The following FBXW8 variants were observed in gnomAD, a reference collection of about 807,000 sequenced individuals.
FBXW8 encodes F-box and WD repeat domain containing 8, also known as F-box/WD repeat-containing protein 8.
FBXW8 carries 57 observed loss-of-function variants against 65.3 expected under a neutral mutation model. That is an observed-to-expected ratio of 0.87 (90% confidence interval 0.71 to 1.09). The LOEUF (loss-of-function observed/expected upper bound fraction) is 1.09. Among genes scored for constraint, FBXW8 ranks in the 50% least tolerant of loss-of-function variants. FBXW8 has a pLI of 0.00. For missense variants in FBXW8, 777 were observed against 814.8 expected (o/e 0.95, Z 0.57); for synonymous variants, 308 against 330.2 (o/e 0.93, Z 0.73).
intron 1 of FBXW8, among the ~76,000 whole-genome samples, chr12:116,917,014 G>A (rs569630539): frequency 1.5e-4 from 23 of 152,182 alleles, no homozygotes; most frequent in African/African-American, 5.5e-4. Flanking sequence ...AGAGCAGCAA[G>A]AGGGCGAGCC....
intron 2 of FBXW8, among the ~76,000 whole-genome samples, chr12:116,934,081 G>T (rs1161373861): frequency 6.6e-6 from 1 of 152,184 alleles, no homozygotes; most frequent in African/African-American, 2.4e-5. Context: ...CTAACAGTAA[G>T]AAACTCTGTT....
intron 7 of FBXW8, among the ~76,000 whole-genome samples, chr12:116,999,206 A>G (rs1382094510): frequency 6.6e-6 from 1 of 152,216 alleles, no homozygotes; most frequent in Non-Finnish European, 1.5e-5. Flanking sequence ...ATCCCAAACT[A>G]AGGGACTCAG....
intron 5 of FBXW8, among the ~76,000 whole-genome samples, chr12:116,973,593 C>T (rs1042594192): frequency 3.9e-5 from 6 of 152,308 alleles, no homozygotes; most frequent in Non-Finnish European, 5.9e-5. Flanking sequence ...GATCTAATCA[C>T]GAGAAAATAT....
intron 5 of FBXW8, among the ~76,000 whole-genome samples, chr12:116,968,637 A>T (rs985959257): frequency 6.6e-6 from 1 of 152,212 alleles, no homozygotes; most frequent in Non-Finnish European, 1.5e-5. Context: ...GTTACAGGGT[A>T]AATGCAAGTG....
At chr12:117,000,502 C>G (rs1030640260) in intron 7 of FBXW8, among the ~76,000 whole-genome samples, 1 of 152,234 alleles carries the variant, frequency 6.6e-6, no homozygotes, top group African/African-American at 2.4e-5. Context: ...AGCACTGGCC[C>G]CACCCCCGGA....
chr12:116,947,263 T>A (rs991555531), intron 3 of FBXW8, among the ~76,000 whole-genome samples: 1 of 152,202 alleles, frequency 6.6e-6, no homozygotes, highest in African/African-American at 2.4e-5. Flanking sequence ...TGGCTGTTGA[T>A]TGAGTGAACT....
chr12:116,986,288 C>A (rs1885668891), intron 6 of FBXW8: 1 of 152,174 alleles, frequency 6.6e-6, no homozygotes, highest in South Asian at 2.1e-4. Flanking sequence ...TAGTGCTCCC[C>A]TAAAATGGCC....
At chr12:116,996,336 C>T (rs943558026) in intron 7 of FBXW8, among the ~76,000 whole-genome samples, 4 of 152,096 alleles carry the variant, frequency 2.6e-5, no homozygotes, top group East Asian at 1.9e-4. Context: ...TCCCCATACA[C>T]GGACGTGAAG....
rs1020642392 is a variant in FBXW8 at position 116,961,289 on chromosome 12, G to A, written c.678-3408G>A. Among the ~76,000 whole-genome samples the A allele has an allele frequency of 3.9e-5, 6 of 152,158 alleles. No homozygotes were observed. The highest frequency in any genetic ancestry group is 7.4e-5 in the Non-Finnish European group (5 of 68,020). On this transcript the variant is annotated intron_variant, in intron 4 of 10. Transcript: ENST00000652555. The surrounding 1 kb of genome is among the most constrained non-coding windows in gnomAD (Gnocchi z 4.4). ...GCTGGGATTACAGGCATGAGCCACC[G>A]TGCCCGGCCTGTATCTGCACTTTTT...
chr12:117,002,748 AT>A (rs1398930894), intron 7 of FBXW8: 6 of 152,024 alleles, frequency 3.9e-5, no homozygotes, highest in Non-Finnish European at 1.5e-5. Flanking sequence ...CTGCATTTTT[AT>A]TTTTTTATTG....
At position 117,013,569 on chromosome 12, in the gene FBXW8, C is replaced by T. The variant is rs191478920; in HGVS notation, c.1367+3119C>T. 5.2e-4 allele frequency among the ~76,000 whole-genome samples: 79 copies of T among 152,090 alleles called. 1 individual carries two copies. Among genetic ancestry groups the T allele is most frequent in the Non-Finnish European group, 8.1e-4 (55 of 68,008 alleles). ...TCACCACACTCTCTCTGGTACTCGG[C>T]GGGTGCCTAGCACAGTATATTTTCT... On this transcript the variant is annotated intron_variant, in intron 8 of 10. Coordinates refer to ENST00000652555, the MANE Select transcript of FBXW8 (RefSeq NM_153348.3).
chr12:116,925,052 G>A (rs984157483), intron 1 of FBXW8, among the ~76,000 whole-genome samples: 6 of 151,702 alleles, frequency 4.0e-5, no homozygotes, highest in African/African-American at 9.7e-5. Context: ...CAGGACTATC[G>A]TGGGTCATGT....
chr12:116,930,526 A>C (rs1294353967), intron 2 of FBXW8, among the ~76,000 whole-genome samples: 1 of 152,136 alleles, frequency 6.6e-6, no homozygotes, highest in Non-Finnish European at 1.5e-5. Flanking sequence ...TGAGTTCCTT[A>C]TGTAATATTT....
intron 2 of FBXW8, among the ~76,000 whole-genome samples, chr12:116,932,264 A>G (rs890432157): frequency 2.0e-5 from 3 of 152,174 alleles, no homozygotes; most frequent in African/African-American, 7.2e-5. Context: ...CTGCCAAAAA[A>G]TTAGTTTGTT....
chr12:116,945,948 C>G (rs187985680), intron 3 of FBXW8, among the ~76,000 whole-genome samples: 5 of 152,344 alleles, frequency 3.3e-5, no homozygotes, highest in South Asian at 2.1e-4. Flanking sequence ...TTAAACATCT[C>G]TAAGCACTGT....
At chr12:117,017,887 A>G (rs1057487176) in intron 8 of FBXW8, among the ~76,000 whole-genome samples, 8 of 152,164 alleles carry the variant, frequency 5.3e-5, no homozygotes, top group Non-Finnish European at 8.8e-5. Context: ...TGACCCCCCA[A>G]TTACAGAGTC....
chr12:116,988,980 T>TA, intron 7 of FBXW8, 111 bp downstream of exon 7: 1 of 964,986 alleles, frequency 1.0e-6, no homozygotes, highest in Non-Finnish European at 1.5e-6. Context: ...ATCAGGCCAG[T>TA]ATATAAGCAT....
rs1196182611 is a variant in FBXW8 at position 117,031,032 on chromosome 12, A to AG, written c.*2864dup. On this transcript the variant is annotated 3_prime_UTR_variant, in exon 11 of 11. Transcript: ENST00000652555. ...GTAGAAGATACTCGAGCATGCTGCC[A>AG]GGGGAGCTGGATGGTGAAACACCTG... 4 of 152,244 alleles carry AG rather than the reference A, an allele frequency of 2.6e-5. No individual in the cohort carries two copies. The highest frequency in any genetic ancestry group is 5.9e-5 in the Non-Finnish European group (4 of 68,046). 9.4% of individuals were successfully genotyped at this position (152,244 alleles called of 1,614,324 possible).
chr12:116,978,541 A>C (rs572036731), intron 5 of FBXW8: 108 of 152,324 alleles, frequency 7.1e-4, no homozygotes, highest in African/African-American at 2.1e-3. Flanking sequence ...TAAATAGTCA[A>C]CTTCATTCAG....
Sources: gnomAD v4.1 joint callset for allele counts (sites outside exome capture counted in the v4.1 genomes callset) on GRCh38, gnomAD v4.1.1 for gene constraint, Gnocchi (gnomAD v3.1) non-coding constraint, MANE v1.5 for transcripts, NCBI Gene and HGNC (gene_info 2026-07-23, HGNC 2026-07-21) for gene names.